The following BMX variants were observed in gnomAD, a reference collection of about 807,000 sequenced individuals.
BMX encodes the protein cytoplasmic tyrosine-protein kinase BMX.
In BMX, 31 loss-of-function variants were observed where a neutral mutation model predicts 59.2. That is an observed-to-expected ratio of 0.52 (90% CI 0.39 to 0.71). The LOEUF is 0.71. Ranked by LOEUF, BMX falls within the 30% of genes least tolerant of loss-of-function variation. The pLI is 0.00. For synonymous variants in BMX, 185 were observed against 181.0 expected (o/e 1.02, Z -0.18); for missense variants, 474 against 491.7 (o/e 0.96, Z 0.34).
At chrX:15,549,817 G>T (rs750872944) in intron 17 of BMX, 23 bp from the exon 18 acceptor site, 1 of 1,182,154 alleles carries the variant, frequency 8.5e-7, no homozygotes, top group South Asian at 1.9e-5. Context: ...TTTTTATCTG[G>T]GCCACCTCTT....
At chrX:15,535,128 A>G (rs1925273824) in intron 12 of BMX, among the ~76,000 whole-genome samples, 1 of 112,198 alleles carries the variant, frequency 8.9e-6, no homozygotes, top group South Asian at 3.7e-4. Flanking sequence ...TGCTTTTCAG[A>G]AATGTACAAT....
chrX:15,535,000 T>C (rs774552050), intron 12 of BMX, among the ~76,000 whole-genome samples: 2 of 111,776 alleles, frequency 1.8e-5, no homozygotes, highest in South Asian at 3.7e-4. Context: ...GATGTTTCAG[T>C]GCACAATTCT....
Position 15,543,060 on chromosome X carries a change from T to C in BMX, c.1612-11T>C, listed in dbSNP as rs1569229649. 13 of 1,204,438 alleles carry C rather than the reference T, an allele frequency of 1.1e-5. No homozygotes were observed. Among genetic ancestry groups the C allele is most frequent in the Non-Finnish European group, 1.3e-5 (12 of 890,756 alleles). ...CTTTCACTACTTGGTGATTTTGTTT[T>C]TCCTTTAAAGGCTGCTCGTAACTGC... On this transcript the variant is annotated splice_polypyrimidine_tract_variant and intron_variant, in intron 15 of 18. Transcript: ENST00000348343.
intron 6 of BMX, among the ~76,000 whole-genome samples, chrX:15,521,123 A>T (rs1924431301): frequency 8.9e-6 from 1 of 112,020 alleles, no homozygotes; most frequent in South Asian, 3.7e-4. Context: ...ATGAATTTTC[A>T]CAAACTGAAC....
intron 12 of BMX, 122 bp from the exon 13 acceptor site, chrX:15,536,230 AC>A: frequency 1.5e-6 from 1 of 647,416 alleles, no homozygotes; most frequent in Non-Finnish European, 2.4e-6. Context: ...TCTCTGCATT[AC>A]AACATTCTGA....
intron 7 of BMX, among the ~76,000 whole-genome samples, chrX:15,523,294 T>A (rs1924556030): frequency 8.9e-6 from 1 of 112,013 alleles, no homozygotes; most frequent in East Asian, 2.8e-4. Context: ...GTTATCAGCA[T>A]CCCTGCAGGG....
At chrX:15,549,147 G>A (rs984215354) in intron 17 of BMX, among the ~76,000 whole-genome samples, 56 of 110,853 alleles carry the variant, frequency 5.1e-4, no homozygotes, top group Non-Finnish European at 1.7e-4. Flanking sequence ...ACCATGACCA[G>A]AACCGAGATT....
At chrX:15,525,993 T>C in intron 8 of BMX, 49 bp from the exon 9 acceptor site, 2 of 1,091,625 alleles carry the variant, frequency 1.8e-6, no homozygotes, top group Non-Finnish European at 2.5e-6. Context: ...GCACTTGGAT[T>C]ATTTCTTGGT....
rs1017388845 is a variant in BMX, at chrX:15,556,214, G to C, written c.*67G>C. The stretch of plus-strand genomic sequence containing the variant: ...GGCCAGCATTTTCATTCATTTTAAG[G>C]AAAGTAGCAAGGCATAATGTAATTT... On this transcript the variant is annotated 3_prime_UTR_variant, in exon 19 of 19. Transcript: ENST00000348343. 24 of 1,006,639 alleles carry C rather than the reference G, an allele frequency of 2.4e-5. No individual in the cohort carries two copies. Among genetic ancestry groups the C allele is most frequent in the Non-Finnish European group, 3.0e-5 (22 of 739,281 alleles). 83.0% of individuals were successfully genotyped at this position (1,006,639 alleles called of 1,213,427 possible). A position where few individuals can be genotyped will look rare whatever the true frequency, so the allele number is the denominator to read the frequency against.
In BMX at chrX:15,556,151, A is replaced by G; in HGVS notation, c.*4A>G. The stretch of plus-strand genomic sequence containing the variant: ...TCGGGAAAAAGACAAGCATTGAAGA[A>G]GAAATTAGGAGTGCTGATAAGAATG... On this transcript the variant is annotated 3_prime_UTR_variant, in exon 19 of 19. Transcript: ENST00000348343. 8.3e-7 allele frequency: 1 copy of G among 1,197,974 alleles called. No individual in the cohort carries two copies. The highest frequency in any genetic ancestry group is 1.8e-5 in the South Asian group (1 of 54,759).
At position 15,500,928 on chromosome X, in the gene BMX, A is replaced by T; in HGVS notation, c.-22A>T. The T allele has an allele frequency of 1.3e-6, 1 of 754,451 alleles. No homozygotes were observed. 62.2% of individuals were successfully genotyped at this position (754,451 alleles called of 1,213,427 possible). On this transcript the variant is annotated 5_prime_UTR_variant, in exon 1 of 19. Transcript: ENST00000348343. The stretch of plus-strand genomic sequence containing the variant: ...CGCGGCGGACCCAGGCAAGCACGGA[A>T]CAAGCTGAGACGGTGCGTTTAAGCG...
intron 2 of BMX, 82 bp downstream of exon 2, chrX:15,508,573 G>T: frequency 1.2e-6 from 1 of 806,371 alleles, no homozygotes; most frequent in Non-Finnish European, 1.7e-6. Flanking sequence ...CATAATGAAA[G>T]AATATCAGGT....
At chrX:15,503,317 C>T (rs1337333127) in intron 1 of BMX, among the ~76,000 whole-genome samples, 3 of 112,434 alleles carry the variant, frequency 2.7e-5, no homozygotes, top group Non-Finnish European at 5.6e-5. Context: ...CAGGAGATTC[C>T]TATCGAAAGA....
At chrX:15,542,954 C>T in intron 15 of BMX, 117 bp from the exon 16 acceptor site, 1 of 667,620 alleles carries the variant, frequency 1.5e-6, no homozygotes, top group Admixed American at 2.7e-5. Flanking sequence ...CTTTAGAGCA[C>T]TTGGGGGTTG....
intron 1 of BMX, among the ~76,000 whole-genome samples, chrX:15,507,965 T>G (rs935213743): frequency 1.2e-4 from 13 of 111,752 alleles, no homozygotes; most frequent in African/African-American, 4.2e-4. Context: ...TTGTGAGCTG[T>G]CTGGAGTTAA....
chrX:15,531,252 C>G lies in BMX; in HGVS notation c.940-76C>G, dbSNP rs1030598817. On this transcript the variant is annotated intron_variant, in intron 10 of 18. Coordinates refer to ENST00000348343, the MANE Select transcript of BMX (RefSeq NM_203281.3). ...TCAATCTAAAAGATTTGTTTTCCAA[C>G]TACCTACCATGCAAAATCATTTTCA... The G allele has an allele frequency of 2.9e-5, 26 of 881,966 alleles. No individual in the cohort carries two copies. The Admixed American group carries it at 5.1e-4, about 17-fold the overall frequency. 72.7% of individuals were successfully genotyped at this position (881,966 alleles called of 1,213,427 possible).
chrX:15,519,507 GA>G (rs1297833978), intron 6 of BMX, among the ~76,000 whole-genome samples: 1 of 111,430 alleles, frequency 9.0e-6, no homozygotes, highest in Non-Finnish European at 1.9e-5. Flanking sequence ...AGTAAGATGA[GA>G]GGACACAGAG....
At chrX:15,542,728 G>A (rs986763177) in intron 15 of BMX, among the ~76,000 whole-genome samples, 2 of 111,843 alleles carry the variant, frequency 1.8e-5, no homozygotes, top group South Asian at 3.7e-4. Context: ...CAGGTGCAGC[G>A]TTTATGCCTT....
intron 18 of BMX, among the ~76,000 whole-genome samples, chrX:15,551,750 C>A (rs1226241371): frequency 1.8e-5 from 2 of 110,798 alleles, no homozygotes; most frequent in South Asian, 7.5e-4. Context: ...TAATTTCCCA[C>A]CCTATGGCAT....
Sources: gnomAD v4.1 joint callset for allele counts (sites outside exome capture counted in the v4.1 genomes callset) on GRCh38, gnomAD v4.1.1 for gene constraint, MANE v1.5 for transcripts, NCBI Gene and HGNC (gene_info 2026-07-23, HGNC 2026-07-21) for gene names.